The following CDKAL1 variants were observed in gnomAD, a reference collection of about 807,000 sequenced individuals.
The protein encoded by CDKAL1 is CDKAL1 threonylcarbamoyladenosine tRNA methylthiotransferase.
Under a neutral mutation model 68.2 loss-of-function variants are expected in CDKAL1, and 32 were observed. The ratio of observed to expected loss-of-function variants is 0.47; its 90% confidence interval spans 0.35 to 0.63. The LOEUF (loss-of-function observed/expected upper bound fraction) is 0.63. Ranked by LOEUF, CDKAL1 falls within the 30% of genes least tolerant of loss-of-function variation. The probability of loss-of-function intolerance (pLI) is 0.00; values close to 1 mark genes in which losing one functional copy is unlikely to be tolerated. For synonymous variants in CDKAL1, 234 were observed against 244.3 expected, an observed-to-expected ratio of 0.96 and a Z score of 0.39; for missense variants, 606 against 696.7, an observed-to-expected ratio of 0.87 and a Z score of 1.47.
At chr6:20,909,862 G>T (rs902255133) in intron 9 of CDKAL1, among the ~76,000 whole-genome samples, 1 of 152,092 alleles carries the variant, frequency 6.6e-6, no homozygotes, top group Non-Finnish European at 1.5e-5. Flanking sequence ...TGGTCATAGT[G>T]TACTATGAGT....
At chr6:21,183,188 A>G (rs1777861143) in intron 13 of CDKAL1, among the ~76,000 whole-genome samples, 1 of 152,010 alleles carries the variant, frequency 6.6e-6, no homozygotes, top group African/African-American at 2.4e-5. Flanking sequence ...TACTGAAAAA[A>G]ATGAATTGCA....
chr6:20,643,693 C>A (rs1370552816), intron 4 of CDKAL1, among the ~76,000 whole-genome samples: 1 of 152,110 alleles, frequency 6.6e-6, no homozygotes, highest in African/African-American at 2.4e-5. Flanking sequence ...TGTGGGTTGG[C>A]TCAGAGCTAG....
chr6:20,580,562 C>T (rs1422617573), intron 4 of CDKAL1, among the ~76,000 whole-genome samples: 2 of 152,072 alleles, frequency 1.3e-5, no homozygotes, highest in East Asian at 3.9e-4. Flanking sequence ...GCCCCTGTGT[C>T]CTTCATGGAA....
intron 9 of CDKAL1, among the ~76,000 whole-genome samples, chr6:20,911,012 C>T (rs969181081): frequency 6.6e-6 from 1 of 152,194 alleles, no homozygotes; most frequent in Non-Finnish European, 1.5e-5. Context: ...CTCTAGCCTT[C>T]AACAGGAATT....
intron 4 of CDKAL1, among the ~76,000 whole-genome samples, chr6:20,629,867 A>G (rs1160920730): frequency 1.3e-5 from 2 of 150,886 alleles, no homozygotes; most frequent in Non-Finnish European, 3.0e-5. Flanking sequence ...TTTATTTTTT[A>G]TTTTTGAGAT....
intron 7 of CDKAL1, among the ~76,000 whole-genome samples, chr6:20,759,694 AG>A (rs1447197133): frequency 6.6e-6 from 1 of 152,264 alleles, no homozygotes; most frequent in African/African-American, 2.4e-5. Flanking sequence ...CAAAGAAAGT[AG>A]AATTAAGCTT....
intron 4 of CDKAL1, among the ~76,000 whole-genome samples, chr6:20,626,134 G>A (rs1767422204): frequency 6.6e-6 from 1 of 152,066 alleles, no homozygotes; most frequent in African/African-American, 2.4e-5. Context: ...TTGACTCACT[G>A]AGTTAGAGTT....
chr6:21,121,146 A>G (rs1774690326), intron 13 of CDKAL1, among the ~76,000 whole-genome samples: 1 of 152,140 alleles, frequency 6.6e-6, no homozygotes, highest in African/African-American at 2.4e-5. Flanking sequence ...ATCTTTCCCT[A>G]TTAGGGAAAC....
intron 4 of CDKAL1, among the ~76,000 whole-genome samples, chr6:20,624,834 C>T (rs1298653122): frequency 6.6e-6 from 1 of 152,002 alleles, no homozygotes; most frequent in Non-Finnish European, 1.5e-5. Flanking sequence ...TTTGAGTTTA[C>T]TATATTCACA....
At chr6:20,825,002 G>A (rs971124412) in intron 8 of CDKAL1, among the ~76,000 whole-genome samples, 2 of 152,132 alleles carry the variant, frequency 1.3e-5, no homozygotes, top group Non-Finnish European at 2.9e-5. Flanking sequence ...TCATGTTAAA[G>A]TTTTATTTAT....
At chr6:20,716,423 G>A (rs182548293) in intron 5 of CDKAL1, among the ~76,000 whole-genome samples, 10 of 152,282 alleles carry the variant, frequency 6.6e-5, no homozygotes, top group Admixed American at 3.3e-4. Flanking sequence ...CTGTTGGACA[G>A]AAAGTACAGC....
chr6:20,642,766 T>A lies in CDKAL1; in HGVS notation c.287-6527T>A, dbSNP rs184198475. ...ACCCCACATTCCCACCTTTTTGGAC[T>A]CGATTCCAAAAGTAATCTGGGAAAC... is the stretch of plus-strand genomic sequence containing the variant. On this transcript the variant is annotated intron_variant, in intron 4 of 15. Transcript: ENST00000274695. 3.2e-4 allele frequency among the ~76,000 whole-genome samples: 49 copies of A among 152,272 alleles called. No individual in the cohort carries two copies. The East Asian group carries it at 6.0e-3, about 19-fold the overall frequency.
intron 5 of CDKAL1, among the ~76,000 whole-genome samples, chr6:20,678,982 G>A (rs1770249674): frequency 6.6e-6 from 1 of 152,110 alleles, no homozygotes; most frequent in South Asian, 2.1e-4. Flanking sequence ...GTAGTTCATT[G>A]TAACCTGAAA....
intron 9 of CDKAL1, among the ~76,000 whole-genome samples, chr6:20,892,501 G>C (rs561916407): frequency 6.6e-6 from 1 of 152,302 alleles, no homozygotes; most frequent in East Asian, 1.9e-4. Context: ...GTGAGAGCAT[G>C]TGGCTAGGTG....
intron 13 of CDKAL1, among the ~76,000 whole-genome samples, chr6:21,139,931 A>G (rs1184879266): frequency 1.3e-5 from 2 of 152,240 alleles, no homozygotes; most frequent in African/African-American, 4.8e-5. Context: ...GGTAAATTAC[A>G]AGGGTATTTT....
intron 5 of CDKAL1, among the ~76,000 whole-genome samples, chr6:20,671,557 T>G (rs185279198): frequency 2.7e-4 from 41 of 152,338 alleles, no homozygotes; most frequent in African/African-American, 9.6e-4. Context: ...AGACATTTAC[T>G]TTTTTCTAGT....
intron 11 of CDKAL1, among the ~76,000 whole-genome samples, chr6:21,048,509 T>C (rs1017794608): frequency 1.1e-4 from 16 of 152,188 alleles, no homozygotes; most frequent in African/African-American, 3.9e-4. Context: ...TGTGTGTATA[T>C]ATATATTTTT....
rs116673544 is a variant in CDKAL1 at position 20,683,957 on chromosome 6, T to C, written c.371+34580T>C. ...CAGATATCAGATAGTGGGAGTCATA[T>C]AATTTGTAGCTTTTTTGGATGGGTT... On this transcript the variant is annotated intron_variant, in intron 5 of 15. Transcript: ENST00000274695. Among the ~76,000 whole-genome samples the C allele has an allele frequency of 2.7e-3, 412 of 152,322 alleles. 3 individuals carry two copies. Among genetic ancestry groups the C allele is most frequent in the African/African-American group, 8.4e-3 (348 of 41,570 alleles).
At chr6:20,552,206 A>G (rs1300063994) in intron 4 of CDKAL1, among the ~76,000 whole-genome samples, 2 of 151,984 alleles carry the variant, frequency 1.3e-5, no homozygotes, top group African/African-American at 4.8e-5. Context: ...AAAAGTAGCC[A>G]GGTGTGTTGG....
Sources: gnomAD v4.1 joint callset for allele counts (sites outside exome capture counted in the v4.1 genomes callset) on GRCh38, gnomAD v4.1.1 for gene constraint, MANE v1.5 for transcripts, NCBI Gene and HGNC (gene_info 2026-07-23, HGNC 2026-07-21) for gene names.